Variants in INPP5A observed in about 807,000 individuals in gnomAD.
The protein encoded by INPP5A is inositol polyphosphate-5-phosphatase A.
In INPP5A, 14 loss-of-function variants were observed where a neutral mutation model predicts 65.2. The observed-to-expected ratio is 0.21, with a 90% confidence interval of 0.14 to 0.34. The LOEUF is 0.34. INPP5A is among the 10% of genes least tolerant of loss of function. The probability of loss-of-function intolerance (pLI) is 1.00; values close to 1 mark genes in which losing one functional copy is unlikely to be tolerated. For synonymous variants in INPP5A, 207 were observed against 208.3 expected (o/e 0.99, Z 0.05); for missense variants, 431 against 545.6 (o/e 0.79, Z 2.09).
chr10:132,568,585 C>G (rs1022365563), intron 1 of INPP5A, among the ~76,000 whole-genome samples: 7 of 150,004 alleles, frequency 4.7e-5, no homozygotes, highest in African/African-American at 1.7e-4. Flanking sequence ...CCCATCTCTA[C>G]TAAAAATACA....
At position 132,750,666 on chromosome 10, in the gene INPP5A, G is replaced by A. The variant is rs756143743; in HGVS notation, c.903+821G>A. Among the ~76,000 whole-genome samples the A allele has an allele frequency of 9.9e-5, 15 of 152,218 alleles. 1 individual carries two copies. The highest frequency in any genetic ancestry group is 6.2e-4 in the South Asian group (3 of 4,832). ...CTGGCTGGGCCCCATATGCGGCCTC[G>A]GCCGATTTCTGTAAACACGCCCACT... On this transcript the variant is annotated intron_variant, in intron 11 of 15. Transcript: ENST00000368594.
At position 132,546,283 on chromosome 10, in the gene INPP5A, G is replaced by C. The variant is rs1269348316; in HGVS notation, c.75+8112G>C. ...AAGTGGTTTCCCAGCGGCGTGCCCTGAGTGTTGGGAAAAGGCCCTCTGCTG... is the reference window on the plus strand; with the variant it reads ...AAGTGGTTTCCCAGCGGCGTGCCCTCAGTGTTGGGAAAAGGCCCTCTGCTG... On this transcript the variant is annotated intron_variant, in intron 1 of 15. Transcript: ENST00000368594. The surrounding 1 kb of genome is among the most constrained non-coding windows in gnomAD (Gnocchi z 5.7). Among the ~76,000 whole-genome samples, 1 of 152,226 alleles carries C rather than the reference G, an allele frequency of 6.6e-6. No individual in the cohort carries two copies. Among genetic ancestry groups the C allele is most frequent in the African/African-American group, 2.4e-5 (1 of 41,468 alleles).
chr10:132,681,152 A>G (rs2073038700), intron 4 of INPP5A, among the ~76,000 whole-genome samples: 1 of 152,212 alleles, frequency 6.6e-6, no homozygotes, highest in East Asian at 1.9e-4. Flanking sequence ...CTTTGTATCT[A>G]GCTCAGGGAT....
At position 132,758,531 on chromosome 10, in the gene INPP5A, C is replaced by T. The variant is rs12251384; in HGVS notation, c.904-7242C>T. Among the ~76,000 whole-genome samples, 810 of 110,306 alleles carry T rather than the reference C, an allele frequency of 7.3e-3. 5 individuals carry two copies. Among genetic ancestry groups the T allele is most frequent in the Middle Eastern group, 0.019 (4 of 212 alleles). 72.4% of individuals were successfully genotyped at this position (110,306 alleles called of 152,430 possible). A position where few individuals can be genotyped will look rare whatever the true frequency, so the allele number is the denominator to read the frequency against. On this transcript the variant is annotated intron_variant, in intron 11 of 15. Coordinates refer to ENST00000368594, the MANE Select transcript of INPP5A (RefSeq NM_005539.5). The stretch of plus-strand genomic sequence containing the variant: ...CCCGGCCGACCCCACAGCCCAGTGC[C>T]ATGACCTGAGTCCCCAGCTGACCCT...
chr10:132,779,412 C>T (rs771440534), intron 13 of INPP5A, among the ~76,000 whole-genome samples: 13 of 152,266 alleles, frequency 8.5e-5, no homozygotes, highest in Non-Finnish European at 1.5e-4. Flanking sequence ...GGGAAAACGT[C>T]GGAGGTCACG....
In INPP5A at chr10:132,644,258, C is replaced by T. The variant is rs536374924; in HGVS notation, c.118-1610C>T. ...GGAGGGAGGGGCCCACTCGGTGCAT[C>T]CACGCAGAGGCGGCTGCGAACTCAG... On this transcript the variant is annotated intron_variant, in intron 2 of 15. Transcript: ENST00000368594. This position sits in a 1 kb window ranked among gnomAD's most constrained non-coding sequence, Gnocchi z 6.5. Among the ~76,000 whole-genome samples, 3 of 152,326 alleles carry T rather than the reference C, an allele frequency of 2.0e-5. No homozygotes were observed. The highest frequency in any genetic ancestry group is 2.0e-4 in the Admixed American group (3 of 15,312).
At chr10:132,754,018 T>C (rs956597241) in intron 11 of INPP5A, 1 of 152,248 alleles carries the variant, frequency 6.6e-6, no homozygotes, top group Non-Finnish European at 1.5e-5. Context: ...GTCTGGTATT[T>C]TGTTCCAGCC....
rs2072467567 is a variant in INPP5A, at chr10:132,644,506, A to T, written c.118-1362A>T. ...GCCCACTTGCTCAGCTGCGCCCTGG[A>T]CCGTGGCCGCTGGGCTCCTGGGAGG... On this transcript the variant is annotated intron_variant, in intron 2 of 15. Coordinates refer to ENST00000368594, the MANE Select transcript of INPP5A (RefSeq NM_005539.5). The surrounding 1 kb of genome is among the most constrained non-coding windows in gnomAD (Gnocchi z 6.5). Among the ~76,000 whole-genome samples the T allele has an allele frequency of 6.6e-6, 1 of 152,140 alleles. No homozygotes were observed. The highest frequency in any genetic ancestry group is 6.5e-5 in the Admixed American group (1 of 15,284).
intron 12 of INPP5A, among the ~76,000 whole-genome samples, chr10:132,767,632 C>T (rs1052865546): frequency 6.6e-6 from 1 of 152,208 alleles, no homozygotes; most frequent in African/African-American, 2.4e-5. Context: ...TCCCCCATCC[C>T]GCTTGGATCT....
intron 1 of INPP5A, among the ~76,000 whole-genome samples, chr10:132,561,393 A>G (rs1324517639): frequency 6.6e-6 from 1 of 151,820 alleles, no homozygotes; most frequent in Non-Finnish European, 1.5e-5. Flanking sequence ...GGTGTGAGGT[A>G]GGGGTCTTCA....
intron 1 of INPP5A, among the ~76,000 whole-genome samples, chr10:132,598,015 A>G (rs1437660771): frequency 6.6e-6 from 1 of 152,234 alleles, no homozygotes; most frequent in Non-Finnish European, 1.5e-5. Context: ...CCTTTTGGGC[A>G]GGTCTCAGAT....
Position 132,628,468 on chromosome 10 carries a change from G to GGA in INPP5A, c.118-17399_118-17398insAG, listed in dbSNP as rs1554937170. On this transcript the variant is annotated intron_variant, in intron 2 of 15. Coordinates refer to ENST00000368594, the MANE Select transcript of INPP5A (RefSeq NM_005539.5). The stretch of plus-strand genomic sequence containing the variant: ...CTCCAGATGTGCTCTGGTGGCGGGG[G>GGA]GGGGGGGGGGCGTGGCGTGGGGGAC... Among the ~76,000 whole-genome samples the GGA allele has an allele frequency of 1.3e-5, 2 of 148,970 alleles. 1 individual carries two copies. Among genetic ancestry groups the GGA allele is most frequent in the Admixed American group, 1.3e-4 (2 of 15,058 alleles).
intron 4 of INPP5A, among the ~76,000 whole-genome samples, chr10:132,654,828 C>T (rs1564951148): frequency 6.6e-6 from 1 of 152,212 alleles, no homozygotes; most frequent in Non-Finnish European, 1.5e-5. Context: ...CTGCGCCTGG[C>T]GCGTGAGCCT....
In INPP5A at chr10:132,705,387, TGG is replaced by T. The variant is rs1470443286; in HGVS notation, c.475-2923_475-2922del. On this transcript the variant is annotated intron_variant, in intron 6 of 15. Transcript: ENST00000368594. The surrounding 1 kb of genome is among the most constrained non-coding windows in gnomAD (Gnocchi z 4.9). ...CCATGCAGCAGCCAGACCAGTAGCC[TGG>T]GGATGCCTTGGCCAGCCTCCTGGAG... Among the ~76,000 whole-genome samples, 1 of 152,200 alleles carries T rather than the reference TGG, an allele frequency of 6.6e-6. No homozygotes were observed. Among genetic ancestry groups the T allele is most frequent in the Non-Finnish European group, 1.5e-5 (1 of 68,014 alleles).
At chr10:132,604,424 G>A (rs1022294908) in intron 1 of INPP5A, among the ~76,000 whole-genome samples, 2 of 152,164 alleles carry the variant, frequency 1.3e-5, no homozygotes, top group Non-Finnish European at 2.9e-5. Context: ...TGACTGCTAC[G>A]CTCAGGAGCG....
At chr10:132,692,934 T>A (rs1269662140) in intron 5 of INPP5A, among the ~76,000 whole-genome samples, 1 of 152,198 alleles carries the variant, frequency 6.6e-6, no homozygotes, top group Non-Finnish European at 1.5e-5. Flanking sequence ...AGCAGATAAC[T>A]TTTGCTCAAC....
intron 3 of INPP5A, among the ~76,000 whole-genome samples, chr10:132,646,336 C>T (rs971769885): frequency 4.6e-5 from 7 of 152,116 alleles, no homozygotes; most frequent in African/African-American, 9.7e-5. Context: ...TCAAGGAGGT[C>T]GGCAGGGAGC....
chr10:132,687,552 AGAG>A (rs1219218672), intron 4 of INPP5A, among the ~76,000 whole-genome samples: 1 of 152,228 alleles, frequency 6.6e-6, no homozygotes, highest in Non-Finnish European at 1.5e-5. Flanking sequence ...CTGCGAGAGA[AGAG>A]GAAGTGCACT....
At chr10:132,773,701 C>T (rs991828613) in intron 12 of INPP5A, among the ~76,000 whole-genome samples, 9 of 152,188 alleles carry the variant, frequency 5.9e-5, no homozygotes, top group East Asian at 1.9e-4. Context: ...TGAGGGAACC[C>T]GTCCCACAGA....
Sources: allele counts gnomAD v4.1 joint callset (sites outside exome capture counted in the v4.1 genomes callset), GRCh38; gene constraint gnomAD v4.1.1; non-coding constraint Gnocchi (gnomAD v3.1); transcripts MANE v1.5; gene names NCBI Gene and HGNC (gene_info 2026-07-23, HGNC 2026-07-21).